The following ZFP1 variants were observed in gnomAD, a reference collection of about 807,000 sequenced individuals.
The protein encoded by ZFP1 is zinc finger protein 1 homolog.
A neutral mutation model predicts 38.5 loss-of-function variants in ZFP1; 32 were observed. That is an observed-to-expected ratio of 0.83 (90% CI 0.63 to 1.12). The LOEUF is 1.12. ZFP1 is among the 50% of genes most tolerant of loss of function. ZFP1 has a pLI of 0.00. For synonymous variants in ZFP1, 245 were observed against 168.8 expected, an observed-to-expected ratio of 1.45 and a Z score of -3.50; for missense variants, 616 against 480.8, an observed-to-expected ratio of 1.28 and a Z score of -2.63.
At chr16:75,137,674 G>C in the ZFP1 span, among the ~76,000 whole-genome samples, 1 of 151,754 alleles carries the variant, frequency 6.6e-6, no homozygotes, top group Non-Finnish European at 1.5e-5. Flanking sequence ...CACCGTGTTA[G>C]CCAGGATGGC....
At chr16:75,133,440 A>G in the ZFP1 span, among the ~76,000 whole-genome samples, 1 of 152,144 alleles carries the variant, frequency 6.6e-6, no homozygotes, top group Non-Finnish European at 1.5e-5. Context: ...ACCGTCAGAT[A>G]GACCCCAGCA....
At position 75,166,488 on chromosome 16, in the gene ZFP1, C is replaced by T. The variant is rs539528818; in HGVS notation, c.16-282C>T. On this transcript the variant is annotated intron_variant, in intron 2 of 3. Coordinates refer to ENST00000570010, the MANE Select transcript of ZFP1 (RefSeq NM_153688.4). ...TGATTCCCCCGCCCACCTAGCCTCC[C>T]AAAGTGCTGGGATTACAGGTGTGAG... 3,417 of 966,876 alleles carry T rather than the reference C, an allele frequency of 3.5e-3. 6 individuals carry two copies. Among genetic ancestry groups the T allele is most frequent in the Non-Finnish European group, 4.0e-3 (3,271 of 813,288 alleles). The allele number at this position is 966,876 out of a possible 1,614,324, so 59.9% of individuals were successfully genotyped here.
chr16:75,169,041 GGTTTT>G (rs1396863105), intron 3 of ZFP1, among the ~76,000 whole-genome samples: 2 of 151,856 alleles, frequency 1.3e-5, no homozygotes, highest in Non-Finnish European at 2.9e-5. Flanking sequence ...TATTGATTTT[GGTTTT>G]GTTTTGTTTT....
chr16:75,140,489 C>G, the ZFP1 span, among the ~76,000 whole-genome samples: 3 of 152,184 alleles, frequency 2.0e-5, no homozygotes, highest in African/African-American at 7.2e-5. Context: ...ATCTGACATG[C>G]TATATATTTT....
chr16:75,128,837 C>G, the ZFP1 span, among the ~76,000 whole-genome samples: 1 of 152,212 alleles, frequency 6.6e-6, no homozygotes, highest in Non-Finnish European at 1.5e-5. Context: ...GTTGCCCAGG[C>G]TGGAGTGCAA....
the ZFP1 span, among the ~76,000 whole-genome samples, chr16:75,121,243 G>C: frequency 1.3e-5 from 2 of 151,044 alleles, no homozygotes; most frequent in African/African-American, 4.9e-5. Context: ...GTACTCCAGA[G>C]AGTACAGACA....
At chr16:75,137,504 A>G in the ZFP1 span, among the ~76,000 whole-genome samples, 1 of 117,094 alleles carries the variant, frequency 8.5e-6, no homozygotes, top group African/African-American at 3.4e-5. Context: ...GCTCTGTCCC[A>G]GGCTGGAGTG....
chr16:75,164,771 G>C (rs1350261296), intron 2 of ZFP1, among the ~76,000 whole-genome samples: 1 of 151,384 alleles, frequency 6.6e-6, no homozygotes, highest in Non-Finnish European at 1.5e-5. Context: ...AAAATGATTT[G>C]AAATAAAAAT....
chr16:75,160,610 G>A (rs947339836), intron 2 of ZFP1, among the ~76,000 whole-genome samples: 2 of 142,964 alleles, frequency 1.4e-5, no homozygotes, highest in Non-Finnish European at 3.0e-5. Context: ...AGTGAGCTGA[G>A]ATCATGCCAC....
rs375904447 is a variant in ZFP1 at position 75,148,586 on chromosome 16, G to T, written c.-101G>T. On this transcript the variant is annotated 5_prime_UTR_variant, in exon 1 of 4. Transcript: ENST00000570010. ...GCCCCCGTCTCCGCGCGTCTTCGCC[G>T]CCCTGCGCCGTGACCCGCTGTGGCA... The T allele has an allele frequency of 6.6e-6, 1 of 152,306 alleles. No individual in the cohort carries two copies. Among genetic ancestry groups the T allele is most frequent in the African/African-American group, 2.4e-5 (1 of 41,466 alleles). The allele number at this position is 152,306 out of a possible 1,614,324, so 9.4% of individuals were successfully genotyped here.
intron 2 of ZFP1, among the ~76,000 whole-genome samples, chr16:75,155,800 T>G (rs1416679440): frequency 6.6e-6 from 1 of 152,244 alleles, no homozygotes; most frequent in African/African-American, 2.4e-5. Flanking sequence ...ATATTCTTAA[T>G]GTAATATTCA....
At chr16:75,122,993 GACAA>G in the ZFP1 span, among the ~76,000 whole-genome samples, 1 of 152,100 alleles carries the variant, frequency 6.6e-6, no homozygotes, top group Admixed American at 6.5e-5. Flanking sequence ...GATAAATATA[GACAA>G]ACTCATAATT....
chr16:75,145,338 G>C (rs2145479164), upstream of ZFP1, among the ~76,000 whole-genome samples: 1 of 152,326 alleles, frequency 6.6e-6, no homozygotes, highest in East Asian at 1.9e-4. Flanking sequence ...AAATGATGCA[G>C]CCACTTTGGA....
At chr16:75,140,830 G>A in the ZFP1 span, among the ~76,000 whole-genome samples, 1 of 152,102 alleles carries the variant, frequency 6.6e-6, no homozygotes, top group African/African-American at 2.4e-5. Context: ...GTGGTGTTGG[G>A]CGCCTGTTGT....
chr16:75,139,882 G>C, the ZFP1 span, among the ~76,000 whole-genome samples: 1 of 152,274 alleles, frequency 6.6e-6, no homozygotes, highest in East Asian at 1.9e-4. Flanking sequence ...ATAGTTGCGC[G>C]ATATTGTGGA....
chr16:75,161,289 G>A (rs544118575), intron 2 of ZFP1, among the ~76,000 whole-genome samples: 5 of 151,918 alleles, frequency 3.3e-5, no homozygotes, highest in Middle Eastern at 3.4e-3. Context: ...GGCTGGTCTC[G>A]AACTCCTGGC....
Position 75,169,728 on chromosome 16 carries a change from T to C in ZFP1, c.618T>C (p.His206=). 6.2e-7 allele frequency: 1 copy of C among 1,613,400 alleles called. No individual in the cohort carries two copies. The highest frequency in any genetic ancestry group is 8.5e-7 in the Non-Finnish European group (1 of 1,179,668). ...TCCTCATTAGTCATAAGAGAATACA[T>C]ACTGGAGAAAAGCCATATGAATGCA... ...KSLLISHKRI[H]TGEKPYECNV... Residue 206 remains histidine (H), a synonymous_variant, in exon 4 of 4, where the codon CAT becomes CAC. Transcript: ENST00000570010.
chr16:75,162,074 C>T (rs930434087), intron 2 of ZFP1, among the ~76,000 whole-genome samples: 5 of 151,534 alleles, frequency 3.3e-5, no homozygotes, highest in East Asian at 1.9e-4. Context: ...CGTGAACCAC[C>T]GTGCCCAGCC....
the ZFP1 span, among the ~76,000 whole-genome samples, chr16:75,139,349 A>G: frequency 1.6e-5 from 2 of 125,210 alleles, no homozygotes; most frequent in African/African-American, 6.1e-5. Context: ...AGCCTGGGCG[A>G]TAGAGCGAGA....
Sources: gnomAD v4.1 joint callset for allele counts (sites outside exome capture counted in the v4.1 genomes callset) on GRCh38, gnomAD v4.1.1 for gene constraint, MANE v1.5 for transcripts, NCBI Gene and HGNC (gene_info 2026-07-23, HGNC 2026-07-21) for gene names.